The following SMUG1 variants were observed in gnomAD, a reference collection of about 807,000 sequenced individuals.
The protein encoded by SMUG1 is single-strand selective monofunctional uracil DNA glycosylase.
SMUG1 carries 13 observed loss-of-function variants against 23.9 expected under a neutral mutation model. The ratio of observed to expected loss-of-function variants is 0.54; its 90% confidence interval spans 0.35 to 0.86. The LOEUF is 0.86. SMUG1 is among the 40% of genes least tolerant of loss of function. The probability of loss-of-function intolerance (pLI) is 0.01; values close to 1 mark genes in which losing one functional copy is unlikely to be tolerated. For synonymous variants in SMUG1, 133 were observed against 139.8 expected (o/e 0.95, Z 0.34); for missense variants, 313 against 339.5 (o/e 0.92, Z 0.61).
chr12:54,188,148 G>A (rs1383010763), intron 1 of SMUG1, among the ~76,000 whole-genome samples: 2 of 151,896 alleles, frequency 1.3e-5, no homozygotes, highest in Admixed American at 1.3e-4. Flanking sequence ...TCAGACTGAT[G>A]TCAGACTTCT....
chr12:54,172,321 C>A (rs1940642359), intron 2 of SMUG1: 4 of 304,798 alleles, frequency 1.3e-5, no homozygotes, highest in South Asian at 1.1e-4. Flanking sequence ...ACACACCAGA[C>A]ATGCTCACAT....
chr12:54,182,470 T>A lies in SMUG1; in HGVS notation c.439A>T (p.Asn147Tyr). 1 of 1,613,866 alleles carries A rather than the reference T, an allele frequency of 6.2e-7. No individual in the cohort carries two copies. Residue 147 changes from asparagine (N) to tyrosine (Y), a missense_variant, in exon 4 of 4, where the codon AAC becomes TAC. Asn to Tyr is a moderately radical substitution (Grantham distance 143). Transcript: ENST00000682136. Reference sequence around the variant, plus strand: ...AAGACCTCAGGCTGTCCACAGAGGTTCCGGAAAAAGCCCCAGAATCGGGCA... The same window carrying A: ...AAGACCTCAGGCTGTCCACAGAGGTACCGGAAAAAGCCCCAGAATCGGGCA... ...SGARFWGFFR[N>Y]LCGQPEVFFH...
At chr12:54,188,305 AATAATAATAAT>A (rs1565845234) in intron 1 of SMUG1, among the ~76,000 whole-genome samples, 4 of 114,482 alleles carry the variant, frequency 3.5e-5, no homozygotes, top group African/African-American at 1.7e-4. Flanking sequence ...AAATAATAAT[AATAATAATAAT>A]AATAATAATA....
chr12:54,167,540 C>T (rs1417632448), intron 3 of SMUG1, among the ~76,000 whole-genome samples: 1 of 152,196 alleles, frequency 6.6e-6, no homozygotes, highest in Non-Finnish European at 1.5e-5. Context: ...AAGCACCTCT[C>T]CCAGATACAC....
chr12:54,172,254 A>T (rs943989670), intron 2 of SMUG1: 4 of 371,188 alleles, frequency 1.1e-5, no homozygotes, highest in South Asian at 1.9e-5. Flanking sequence ...CTCATCACTT[A>T]TTCTCTTCCC....
chr12:54,188,762 G>A (rs1943138266), intron 1 of SMUG1, 189 bp downstream of exon 1: 1 of 152,252 alleles, frequency 6.6e-6, no homozygotes, highest in South Asian at 2.1e-4. Flanking sequence ...CGACTGGAAA[G>A]CCTTGATCCT....
chr12:54,188,243 G>A (rs1156293628), intron 1 of SMUG1, among the ~76,000 whole-genome samples: 1 of 146,624 alleles, frequency 6.8e-6, no homozygotes, highest in Non-Finnish European at 1.5e-5. Flanking sequence ...GGAGTCCAGG[G>A]ACAATAATAA....
intron 4 of SMUG1, among the ~76,000 whole-genome samples, chr12:54,159,360 A>C (rs1940158552): frequency 6.6e-6 from 1 of 151,942 alleles, no homozygotes; most frequent in Admixed American, 6.6e-5. Flanking sequence ...CCAACAGGAG[A>C]GTGTGGGGAG....
chr12:54,187,598 T>G (rs925545580), intron 2 of SMUG1, among the ~76,000 whole-genome samples: 1 of 152,130 alleles, frequency 6.6e-6, no homozygotes, highest in African/African-American at 2.4e-5. Context: ...GGGAAAAGAG[T>G]GGCAAGATAC....
downstream of SMUG1, among the ~76,000 whole-genome samples, chr12:54,176,962 C>T (rs543131867): frequency 6.6e-6 from 1 of 152,286 alleles, no homozygotes; most frequent in African/African-American, 2.4e-5. Flanking sequence ...GGGGTGGGAC[C>T]TCCATCATTC....
At chr12:54,183,430 C>T in intron 3 of SMUG1, 1 of 582,770 alleles carries the variant, frequency 1.7e-6, no homozygotes, top group Non-Finnish European at 3.1e-6. Flanking sequence ...TACTGGCCAG[C>T]TCACAGGGAA....
At chr12:54,185,492 ATAAATAAATAAATAAATAAAT>A (rs1565832889) in intron 2 of SMUG1, among the ~76,000 whole-genome samples, 23 of 88,124 alleles carry the variant, frequency 2.6e-4, no homozygotes, top group East Asian at 6.4e-4. Flanking sequence ...TAAAAAATAA[ATAAATAAATAAATAAATAAAT>A]AAATAAATAA....
At chr12:54,175,315 T>C (rs1223944739) in intron 2 of SMUG1, among the ~76,000 whole-genome samples, 1 of 152,218 alleles carries the variant, frequency 6.6e-6, no homozygotes, top group African/African-American at 2.4e-5. Flanking sequence ...GCTGCAGTTT[T>C]CCATCCCCAA....
At chr12:54,186,309 G>C (rs1399277920) in intron 2 of SMUG1, among the ~76,000 whole-genome samples, 1 of 151,634 alleles carries the variant, frequency 6.6e-6, no homozygotes, top group African/African-American at 2.4e-5. Context: ...TAGGTCCCGT[G>C]TGAGGCCTGG....
intron 3 of SMUG1, chr12:54,165,543 A>G (rs76027119): frequency 0.12 from 18,623 of 152,260 alleles, 1,283 homozygotes; most frequent in East Asian, 0.2. Context: ...ATGCTGATGC[A>G]GGACTATAAT....
In SMUG1 at chr12:54,167,094, G is replaced by A. The variant is rs377726722; in HGVS notation, c.*53-1616C>T. Among the ~76,000 whole-genome samples, 18 of 152,266 alleles carry A rather than the reference G, an allele frequency of 1.2e-4. No homozygotes were observed. The East Asian group carries it at 2.5e-3, about 21-fold the overall frequency. The stretch of plus-strand genomic sequence containing the variant: ...CACTGGAATTGCCTGGAGGGTGGGG[G>A]ATTGAGTGGTGGGTGGAAATCAAAC... On this transcript the variant is annotated intron_variant and NMD_transcript_variant, in intron 3 of 4. Transcript: ENST00000509864.
rs569830351 is a variant in SMUG1, at chr12:54,169,129, G to C, written c.*52+2896C>G. Among the ~76,000 whole-genome samples the C allele has an allele frequency of 9.9e-5, 15 of 152,246 alleles. No homozygotes were observed. In the South Asian group the frequency reaches 2.7e-3, roughly 27 times the overall value. On this transcript the variant is annotated intron_variant and NMD_transcript_variant, in intron 3 of 4. Transcript: ENST00000509864. The stretch of plus-strand genomic sequence containing the variant: ...ACATCTGGGGGGAAATGACCAAAAG[G>C]CAGACAGATTGGTTTGAAGGACACA...
Position 54,181,914 on chromosome 12 carries a change from G to C in SMUG1, c.*182C>G. ...AAGCAGGAATCAGGAGGGCAAACAG[G>C]AGTAGTGTCAAAACTGCCATGGCAG... is the stretch of plus-strand genomic sequence containing the variant. On this transcript the variant is annotated 3_prime_UTR_variant, in exon 4 of 4. Coordinates refer to ENST00000682136, the MANE Select transcript of SMUG1 (RefSeq NM_001243787.2). The C allele has an allele frequency of 2.1e-6, 3 of 1,442,324 alleles. No individual in the cohort carries two copies. The highest frequency in any genetic ancestry group is 2.7e-6 in the Non-Finnish European group (3 of 1,100,820). The allele number at this position is 1,442,324 out of a possible 1,614,324, so 89.3% of individuals were successfully genotyped here.
At position 54,185,478 on chromosome 12, in the gene SMUG1, AAAATAAAAAAT is replaced by A. The variant is rs1192262432; in HGVS notation, c.-19-1530_-19-1520del. On this transcript the variant is annotated intron_variant, in intron 2 of 3. Coordinates refer to ENST00000682136, the MANE Select transcript of SMUG1 (RefSeq NM_001243787.2). ...GCAAGACTCCATCTCAAAAAAAAATAAAATAAAAAATAAATAAATAAATAAATAAATAAATA... is the reference window on the plus strand; with the variant it reads ...GCAAGACTCCATCTCAAAAAAAAATAAAATAAATAAATAAATAAATAAATA... Among the ~76,000 whole-genome samples the A allele has an allele frequency of 1.9e-3, 142 of 76,238 alleles. 21 individuals carry two copies. The highest frequency in any genetic ancestry group is 3.1e-3 in the Non-Finnish European group (108 of 35,038). The allele number at this position is 76,238 out of a possible 152,430, so 50.0% of individuals were successfully genotyped here. A position where few individuals can be genotyped will look rare whatever the true frequency, so the allele number is the denominator to read the frequency against.
Sources: allele counts gnomAD v4.1 joint callset (sites outside exome capture counted in the v4.1 genomes callset), GRCh38; gene constraint gnomAD v4.1.1; transcripts MANE v1.5; gene names NCBI Gene and HGNC (gene_info 2026-07-23, HGNC 2026-07-21).